Variants in CYP39A1 observed in about 807,000 individuals in gnomAD.
CYP39A1 encodes 24-hydroxycholesterol 7-alpha-hydroxylase.
CYP39A1 carries 49 observed loss-of-function variants against 58.1 expected under a neutral mutation model. That is an observed-to-expected ratio of 0.84 (90% CI 0.67 to 1.07). CYP39A1 has a LOEUF of 1.07. Ranked by LOEUF, CYP39A1 falls within the 50% of genes least tolerant of loss-of-function variation. The pLI is 0.00. For synonymous variants in CYP39A1, 209 were observed against 187.6 expected (o/e 1.11, Z -0.93); for missense variants, 531 against 539.4 (o/e 0.98, Z 0.16).
At chr6:46,559,356 C>A (rs897623594) in intron 10 of CYP39A1, among the ~76,000 whole-genome samples, 1 of 152,136 alleles carries the variant, frequency 6.6e-6, no homozygotes, top group Admixed American at 6.5e-5. Context: ...AAGAGACAAA[C>A]ACATTGCCAT....
rs147009264 is a variant in CYP39A1 at position 46,569,891 on chromosome 6, T to C, written c.1251-16037A>G. ...TCAGGGTAATGCTTTGTAAAATGGGTTTGGAAGTGTTCTCTCTTCAATTTT... is the reference window on the plus strand; with the variant it reads ...TCAGGGTAATGCTTTGTAAAATGGGCTTGGAAGTGTTCTCTCTTCAATTTT... On this transcript the variant is annotated intron_variant, in intron 10 of 11. Transcript: ENST00000275016. 7.2e-5 allele frequency among the ~76,000 whole-genome samples: 11 copies of C among 152,232 alleles called. No homozygotes were observed. In the East Asian group the frequency reaches 2.1e-3, roughly 29 times the overall value.
At chr6:46,574,366 T>C (rs373632082) in intron 10 of CYP39A1, among the ~76,000 whole-genome samples, 4 of 152,128 alleles carry the variant, frequency 2.6e-5, no homozygotes, top group African/African-American at 9.7e-5. Context: ...CATGTGCTGA[T>C]TGTCTTAGGG....
Position 46,645,834 on chromosome 6 carries a change from T to C in CYP39A1, c.178-3536A>G, listed in dbSNP as rs1762288765. ...CCCTTAAGACCTTTGATTTTTTTCA[T>C]CAATGTTTTGTGGATTTTAGCATAC... is the stretch of plus-strand genomic sequence containing the variant. On this transcript the variant is annotated intron_variant, in intron 1 of 11. Coordinates refer to ENST00000275016, the MANE Select transcript of CYP39A1 (RefSeq NM_016593.5). Among the ~76,000 whole-genome samples, 3 of 152,234 alleles carry C rather than the reference T, an allele frequency of 2.0e-5. No individual in the cohort carries two copies. The South Asian group carries it at 6.2e-4, about 32-fold the overall frequency.
chr6:46,588,040 G>A lies in CYP39A1; in HGVS notation c.1155C>T (p.Phe385=). 1.9e-6 allele frequency: 3 copies of A among 1,562,074 alleles called. No individual in the cohort carries two copies. Among genetic ancestry groups the A allele is most frequent in the Non-Finnish European group, 1.7e-6 (2 of 1,146,316 alleles). Residue 385 remains phenylalanine (F), a synonymous_variant, in exon 9 of 12, where the codon TTC becomes TTT. Transcript: ENST00000275016. ...ACTGAAAGAGATAACTTACAGGTTT[G>A]AACAATTCAGGCTCAGGAAAATACT... ...NPKYFPEPEL[F]KPERWKKANL... is the part of the protein sequence containing the mutation.
chr6:46,609,238 A>G (rs1774051495), intron 7 of CYP39A1, among the ~76,000 whole-genome samples: 1 of 151,684 alleles, frequency 6.6e-6, no homozygotes, highest in Non-Finnish European at 1.5e-5. Flanking sequence ...CATCTGTGCT[A>G]AATATACAAA....
At chr6:46,645,735 C>T (rs1186918392) in intron 1 of CYP39A1, among the ~76,000 whole-genome samples, 1 of 152,084 alleles carries the variant, frequency 6.6e-6, no homozygotes, top group Non-Finnish European at 1.5e-5. Flanking sequence ...TTGCATCAAA[C>T]CTGGATATCA....
At chr6:46,650,473 G>A (rs1169884139) in intron 1 of CYP39A1, among the ~76,000 whole-genome samples, 1 of 120,332 alleles carries the variant, frequency 8.3e-6, no homozygotes, top group Non-Finnish European at 1.7e-5. Context: ...ATCAAATAAT[G>A]CAGTCATATT....
At chr6:46,585,032 G>A (rs377158278) in intron 10 of CYP39A1, among the ~76,000 whole-genome samples, 2 of 152,090 alleles carry the variant, frequency 1.3e-5, no homozygotes, top group South Asian at 2.1e-4. Context: ...AGAGCTCAGC[G>A]TGCTCTAAAA....
chr6:46,636,407 A>G lies in CYP39A1; in HGVS notation c.714T>C (p.Ser238=), dbSNP rs1251848699. ...KNIPDIKACK[S]AKDNSMTLLQ... Reference sequence around the variant, plus strand: ...TACTTACCATGGAATTATCTTTTGCAGATTTACATGCTTTTATATCTGGAA... The same window carrying G: ...TACTTACCATGGAATTATCTTTTGCGGATTTACATGCTTTTATATCTGGAA... Residue 238 remains serine (S), a synonymous_variant, in exon 5 of 12, where the codon TCT becomes TCC. Coordinates refer to ENST00000275016, the MANE Select transcript of CYP39A1 (RefSeq NM_016593.5). 2 of 1,604,946 alleles carry G rather than the reference A, an allele frequency of 1.2e-6. No homozygotes were observed. Among genetic ancestry groups the G allele is most frequent in the Non-Finnish European group, 1.7e-6 (2 of 1,175,512 alleles).
intron 7 of CYP39A1, among the ~76,000 whole-genome samples, chr6:46,601,152 A>G (rs1773470762): frequency 6.6e-6 from 1 of 152,206 alleles, no homozygotes; most frequent in Non-Finnish European, 1.5e-5. Flanking sequence ...GTAGAGAAAC[A>G]GTTTTCCTTT....
In CYP39A1 at chr6:46,596,014, T is replaced by C. The variant is rs374453124; in HGVS notation, c.1038A>G (p.Arg346=). 6.8e-6 allele frequency: 11 copies of C among 1,610,898 alleles called. No individual in the cohort carries two copies. Among genetic ancestry groups the C allele is most frequent in the Admixed American group, 1.7e-5 (1 of 59,638 alleles). The change falls in exon 8 of 12, where the codon AGA becomes AGG. Residue 346 remains arginine, a synonymous_variant. Transcript: ENST00000275016. The part of the protein sequence containing the change: ...IRLKAPGVIT[R]KVVKPVEILN... ...AAATTTCCACAGGCTTCACCACTTT[T>C]CTAGTAATGACACCAGGAGCTTTTA...
intron 10 of CYP39A1, among the ~76,000 whole-genome samples, chr6:46,572,836 T>C (rs1365661113): frequency 1.3e-5 from 2 of 152,072 alleles, no homozygotes; most frequent in East Asian, 1.9e-4. Context: ...GTCCCATAGG[T>C]TTACTTTACT....
chr6:46,625,483 A>C lies in CYP39A1; in HGVS notation c.866T>G (p.Val289Gly). Reference protein sequence around the residue: ...VPVAFWTLAYVLSHPDIHKAI... With the variant: ...VPVAFWTLAYGLSHPDIHKAI... ...CTTGTGGATATCAGGATGAGAAAGG[A>C]CGTATGCAAGTGTCCAAAATGCAAC... The change falls in exon 7 of 12, where the codon GTC (valine) becomes GGC (glycine). Residue 289 changes from valine to glycine, a missense_variant. Coordinates refer to ENST00000275016, the MANE Select transcript of CYP39A1 (RefSeq NM_016593.5). 1.2e-6 allele frequency: 2 copies of C among 1,611,138 alleles called. No homozygotes were observed. Among genetic ancestry groups the C allele is most frequent in the South Asian group, 2.2e-5 (2 of 90,474 alleles).
intron 1 of CYP39A1, among the ~76,000 whole-genome samples, chr6:46,647,984 A>G (rs1762435015): frequency 1.3e-5 from 2 of 152,216 alleles, no homozygotes; most frequent in Non-Finnish European, 2.9e-5. Context: ...ACCAGTTAGA[A>G]TGGCGATCAT....
At chr6:46,573,733 G>A (rs1157857905) in intron 10 of CYP39A1, among the ~76,000 whole-genome samples, 1 of 152,170 alleles carries the variant, frequency 6.6e-6, no homozygotes, top group Non-Finnish European at 1.5e-5. Context: ...TATGGCACCT[G>A]GAGAACAGGG....
Position 46,639,598 on chromosome 6 carries a change from C to G in CYP39A1, c.384G>C (p.Gly128=). Residue 128 remains glycine, a synonymous_variant, in exon 3 of 12, where the codon GGG becomes GGC. Coordinates refer to ENST00000275016, the MANE Select transcript of CYP39A1 (RefSeq NM_016593.5). ...CAGTAAACTGATGGAGATTGACAGT[C>G]CCCATTTTCCCTTTCAACATAATAT... ...KLYIMLKGKM[G]TVNLHQFTGQ... 6.2e-7 allele frequency: 1 copy of G among 1,613,974 alleles called. No individual in the cohort carries two copies. The highest frequency in any genetic ancestry group is 8.5e-7 in the Non-Finnish European group (1 of 1,179,902).
chr6:46,551,170 T>G (rs1770375155), intron 11 of CYP39A1, among the ~76,000 whole-genome samples: 3 of 152,088 alleles, frequency 2.0e-5, no homozygotes, highest in African/African-American at 7.2e-5. Context: ...TTTTCAAGTT[T>G]GAATGAAATA....
Position 46,639,488 on chromosome 6 carries a change from A to ATT in CYP39A1, c.488+4_488+5dup. The ATT allele has an allele frequency of 6.2e-7, 1 of 1,613,526 alleles. No individual in the cohort carries two copies. Among genetic ancestry groups the ATT allele is most frequent in the Admixed American group, 1.7e-5 (1 of 59,872 alleles). On this transcript the variant is annotated splice_donor_region_variant and intron_variant, in intron 3 of 11. Coordinates refer to ENST00000275016, the MANE Select transcript of CYP39A1 (RefSeq NM_016593.5). ...AAGACTAAATCATACTAATGCGTCTATTTACCTTACTAAGTTGTTCAGGTC... is the reference window on the plus strand; with the variant it reads ...AAGACTAAATCATACTAATGCGTCTATTTTTACCTTACTAAGTTGTTCAGGTC...
intron 3 of CYP39A1, among the ~76,000 whole-genome samples, chr6:46,638,427 C>A (rs1047068841): frequency 6.6e-6 from 1 of 152,148 alleles, no homozygotes; most frequent in East Asian, 1.9e-4. Flanking sequence ...TAAATTCAAA[C>A]TATTGCCCAT....
Sources: gnomAD v4.1 joint callset for allele counts (sites outside exome capture counted in the v4.1 genomes callset) on GRCh38, gnomAD v4.1.1 for gene constraint, MANE v1.5 for transcripts, NCBI Gene and HGNC (gene_info 2026-07-23, HGNC 2026-07-21) for gene names.